ANKRD36: variants seen among roughly 807,000 people sequenced by gnomAD.
ANKRD36 encodes ankyrin repeat domain 36.
Under a neutral mutation model 278.1 loss-of-function variants are expected in ANKRD36, and 179 were observed. That is an observed-to-expected ratio of 0.64 (90% CI 0.57 to 0.73). The LOEUF (loss-of-function observed/expected upper bound fraction) is 0.73, where lower values mean the gene tolerates loss of function less well. Ranked by LOEUF, ANKRD36 falls within the 30% of genes least tolerant of loss-of-function variation. ANKRD36 has a pLI of 0.00. For synonymous variants in ANKRD36, 320 were observed against 641.1 expected (o/e 0.50, Z 7.57); for missense variants, 1,159 against 1,956.7 (o/e 0.59, Z 7.69).
At chr2:97,198,293 T>A (rs1444779631) in intron 42 of ANKRD36, among the ~76,000 whole-genome samples, 170 bp from the exon 43 acceptor site, 6 of 151,952 alleles carry the variant, frequency 3.9e-5, no homozygotes, top group Admixed American at 2.0e-4. Context: ...TGTATTCCCT[T>A]TTCTCAGCGT....
Position 97,152,604 on chromosome 2 carries a change from G to A in ANKRD36, c.1193+70G>A, listed in dbSNP as rs1429615376. On this transcript the variant is annotated intron_variant, in intron 14 of 75. Coordinates refer to ENST00000420699, the MANE Select transcript of ANKRD36 (RefSeq NM_001354587.1). ...ATAGAGAGAAGAGAAACTAGTATTT[G>A]TTTAGTATTCTACTCTGTGCTGGAC... The A allele has an allele frequency of 2.2e-5, 29 of 1,306,518 alleles. 4 individuals are homozygous for A. The highest frequency in any genetic ancestry group is 1.7e-4 in the Middle Eastern group (1 of 5,724). The allele number at this position is 1,306,518 out of a possible 1,614,324, so 80.9% of individuals were successfully genotyped here.
chr2:97,204,259 G>T lies in ANKRD36; in HGVS notation c.3057G>T (p.Arg1019Ser), dbSNP rs1291190845. The T allele has an allele frequency of 1.3e-6, 2 of 1,564,000 alleles. No homozygotes were observed. The highest frequency in any genetic ancestry group is 1.7e-6 in the Non-Finnish European group (2 of 1,156,198). ...GAAAAAAGGATGGAGAAAAAACTAG[G>T]ACAGGTAATTTTGAAAAGAGATTTA... ...ARGKKDGEKT[R>S]TVSSQKPPTL... Residue 1019 changes from arginine to serine, a missense_variant, in exon 50 of 76, where the codon AGG becomes AGT. By Grantham distance (110) the Arg-to-Ser change is moderately radical (BLOSUM62 -1). Coordinates refer to ENST00000420699, the MANE Select transcript of ANKRD36 (RefSeq NM_001354587.1).
intron 15 of ANKRD36, among the ~76,000 whole-genome samples, chr2:97,155,041 G>T (rs1374909840): frequency 7.0e-6 from 1 of 142,996 alleles, no homozygotes; most frequent in African/African-American, 2.4e-5. Context: ...CAACAGAGGA[G>T]ATACAAATTT....
chr2:97,181,538 T>G (rs939607660), intron 24 of ANKRD36, 60 bp from the exon 25 acceptor site: 27 of 1,599,314 alleles, frequency 1.7e-5, no homozygotes, highest in Non-Finnish European at 2.3e-5. Flanking sequence ...ACTGCATGAA[T>G]GTATGGATAA....
At chr2:97,191,942 A>G (rs991652780) in intron 36 of ANKRD36, among the ~76,000 whole-genome samples, 45 of 151,706 alleles carry the variant, frequency 3.0e-4, no homozygotes, top group Non-Finnish European at 5.7e-4. Flanking sequence ...TCAAGGAGCT[A>G]CCTCTTGGAT....
At chr2:97,116,431 GC>G (rs970778520) in intron 1 of ANKRD36, among the ~76,000 whole-genome samples, 27 of 151,930 alleles carry the variant, frequency 1.8e-4, no homozygotes, top group African/African-American at 6.5e-4. Context: ...GCGCCTCCAT[GC>G]CCAGCTAATT....
At chr2:97,139,142 TG>T (rs975252518) in intron 6 of ANKRD36, among the ~76,000 whole-genome samples, 11 of 152,022 alleles carry the variant, frequency 7.2e-5, no homozygotes, top group African/African-American at 2.7e-4. Context: ...GGGGTACCTC[TG>T]AGTTTCAAAA....
chr2:97,218,168 A>T (rs1310403494), intron 64 of ANKRD36, among the ~76,000 whole-genome samples: 3 of 149,978 alleles, frequency 2.0e-5, no homozygotes, highest in Non-Finnish European at 4.4e-5. Flanking sequence ...CTATTTAATG[A>T]AAATTCTTTA....
At chr2:97,138,931 C>T (rs1475069662) in intron 6 of ANKRD36, among the ~76,000 whole-genome samples, 5 of 151,964 alleles carry the variant, frequency 3.3e-5, no homozygotes, top group East Asian at 1.9e-4. Flanking sequence ...AAAATTAACT[C>T]GATTCATTAA....
intron 6 of ANKRD36, among the ~76,000 whole-genome samples, chr2:97,133,170 A>G (rs1212779505): frequency 6.6e-6 from 1 of 152,044 alleles, no homozygotes; most frequent in Non-Finnish European, 1.5e-5. Flanking sequence ...TGTTATATGC[A>G]TTATTTTCTT....
At chr2:97,220,777 T>TTA (rs1553460266) in intron 66 of ANKRD36, among the ~76,000 whole-genome samples, 4 of 94,526 alleles carry the variant, frequency 4.2e-5, no homozygotes, top group Middle Eastern at 5.2e-3. Flanking sequence ...TTTTTTTAAT[T>TTA]TTTTTTTTTT....
chr2:97,159,358 T>C (rs2048279786), intron 17 of ANKRD36, among the ~76,000 whole-genome samples: 1 of 152,136 alleles, frequency 6.6e-6, no homozygotes, highest in African/African-American at 2.4e-5. Context: ...TGTGTATCTC[T>C]GTTACCCTCA....
chr2:97,176,858 A>G (rs1464576600), intron 22 of ANKRD36, among the ~76,000 whole-genome samples: 4 of 151,720 alleles, frequency 2.6e-5, no homozygotes. Context: ...TTGTCTGTAA[A>G]GTATTTTATT....
chr2:97,183,881 C>T (rs2056829658), intron 28 of ANKRD36, among the ~76,000 whole-genome samples: 2 of 151,478 alleles, frequency 1.3e-5, no homozygotes, highest in African/African-American at 2.4e-5. Flanking sequence ...GATAGAAGAA[C>T]CATTGGAAAA....
rs1031378680 is a variant in ANKRD36 at position 97,179,952 on chromosome 2, T to G, written c.1735+19T>G. 6.2e-7 allele frequency: 1 copy of G among 1,603,568 alleles called. No individual in the cohort carries two copies. Among genetic ancestry groups the G allele is most frequent in the Admixed American group, 1.7e-5 (1 of 59,556 alleles). On this transcript the variant is annotated intron_variant, in intron 24 of 75. Transcript: ENST00000420699. ...GGGACAGGTAATTTTGCAAAACACATCTAATGTCATGTTCAATCAAGATGG... is the reference window on the plus strand; with the variant it reads ...GGGACAGGTAATTTTGCAAAACACAGCTAATGTCATGTTCAATCAAGATGG...
chr2:97,175,677 T>A (rs1209115802), intron 22 of ANKRD36, among the ~76,000 whole-genome samples: 2 of 151,138 alleles, frequency 1.3e-5, no homozygotes, highest in Non-Finnish European at 3.0e-5. Context: ...CTTTTGAATG[T>A]GTTTGCTCTT....
rs1308073199 is a variant in ANKRD36 at position 97,118,109 on chromosome 2, A to G, written c.243A>G (p.Val81=). 1.6e-5 allele frequency: 25 copies of G among 1,558,154 alleles called. No individual in the cohort carries two copies. Among genetic ancestry groups the G allele is most frequent in the Admixed American group, 9.6e-5 (5 of 51,920 alleles). Residue 81 remains valine, a synonymous_variant, in exon 2 of 76, where the codon GTA becomes GTG. Coordinates refer to ENST00000420699, the MANE Select transcript of ANKRD36 (RefSeq NM_001354587.1). ...GTGCCACTGGCCAACCGGAAATGGTACATCTCCTGGTGTCCAGAAGATGTG... is the reference window on the plus strand; with the variant it reads ...GTGCCACTGGCCAACCGGAAATGGTGCATCTCCTGGTGTCCAGAAGATGTG... The part of the protein sequence containing the change: ...LACATGQPEM[V]HLLVSRRCEL...
At chr2:97,145,483 C>T (rs370848219) in intron 10 of ANKRD36, among the ~76,000 whole-genome samples, 1 of 151,894 alleles carries the variant, frequency 6.6e-6, no homozygotes, top group South Asian at 2.1e-4. Context: ...AACTTTTGGA[C>T]AAAATAGCAA....
chr2:97,150,891 CCCCT>C (rs1303061753), intron 12 of ANKRD36, among the ~76,000 whole-genome samples: 4 of 40,874 alleles, frequency 9.8e-5, no homozygotes, highest in Non-Finnish European at 1.5e-4. Flanking sequence ...TTTTTCTTTC[CCCCT>C]CTCTCTCTCT....
Sources: allele counts gnomAD v4.1 joint callset (sites outside exome capture counted in the v4.1 genomes callset), GRCh38; gene constraint gnomAD v4.1.1; transcripts MANE v1.5; gene names NCBI Gene and HGNC (gene_info 2026-07-23, HGNC 2026-07-21).